SLC25A26: variants seen among roughly 807,000 people sequenced by gnomAD.
SLC25A26 encodes the protein mitochondrial S-adenosylmethionine carrier protein.
SLC25A26 carries 36 observed loss-of-function variants against 37.8 expected under a neutral mutation model. The observed-to-expected ratio is 0.95, with a 90% CI of 0.73 to 1.26. The LOEUF is 1.26. Among genes scored for constraint, SLC25A26 ranks in the 50% most tolerant of loss-of-function variants. SLC25A26 has a pLI of 0.00. For synonymous variants in SLC25A26, 129 were observed against 122.5 expected, an observed-to-expected ratio of 1.05 and a Z score of -0.35; for missense variants, 390 against 331.1, an observed-to-expected ratio of 1.18 and a Z score of -1.38.
At chr3:66,335,485 C>A (rs1275761363) in intron 5 of SLC25A26, among the ~76,000 whole-genome samples, 1 of 152,168 alleles carries the variant, frequency 6.6e-6, no homozygotes, top group Non-Finnish European at 1.5e-5. Flanking sequence ...ACACACTGTT[C>A]TAACAAATAT....
At chr3:66,326,920 G>A (rs1416531440) in intron 5 of SLC25A26, among the ~76,000 whole-genome samples, 2 of 152,164 alleles carry the variant, frequency 1.3e-5, no homozygotes, top group Non-Finnish European at 2.9e-5. Flanking sequence ...CAGACTGGTG[G>A]GTTGCAGATG....
chr3:66,242,139 AG>A (rs1325553966), intron 2 of SLC25A26, among the ~76,000 whole-genome samples: 6 of 152,168 alleles, frequency 3.9e-5, no homozygotes, highest in Non-Finnish European at 7.4e-5. Flanking sequence ...GATGAAGTTG[AG>A]GTGGTTAACC....
chr3:66,349,654 CGTAA>C (rs1015158065), intron 6 of SLC25A26, among the ~76,000 whole-genome samples: 33 of 152,060 alleles, frequency 2.2e-4, no homozygotes, highest in African/African-American at 8.0e-4. Context: ...ATAAAGCTGT[CGTAA>C]GTATTTGCAT....
At chr3:66,262,775 C>T (rs2107288702) in intron 4 of SLC25A26, among the ~76,000 whole-genome samples, 1 of 152,266 alleles carries the variant, frequency 6.6e-6, no homozygotes, top group South Asian at 2.1e-4. Context: ...TCTAATTGTA[C>T]AAATGAGATG....
chr3:66,207,290 T>C (rs1019395621), intron 1 of SLC25A26, among the ~76,000 whole-genome samples: 1 of 152,168 alleles, frequency 6.6e-6, no homozygotes, highest in African/African-American at 2.4e-5. Flanking sequence ...CCCCATCCTT[T>C]AGACCATACT....
intron 1 of SLC25A26, among the ~76,000 whole-genome samples, chr3:66,138,283 T>A (rs1408112531): frequency 6.6e-6 from 1 of 152,144 alleles, no homozygotes; most frequent in Non-Finnish European, 1.5e-5. Context: ...ATCTGAAGTA[T>A]GGAAATATGC....
At chr3:66,218,947 C>A (rs2071401418), upstream of SLC25A26, among the ~76,000 whole-genome samples, 1 of 152,238 alleles carries the variant, frequency 6.6e-6, no homozygotes, top group Non-Finnish European at 1.5e-5. Context: ...AAACACCCAG[C>A]TAAATGACTC....
chr3:66,342,349 A>G (rs1189517869), intron 5 of SLC25A26, among the ~76,000 whole-genome samples: 1 of 152,168 alleles, frequency 6.6e-6, no homozygotes, highest in Non-Finnish European at 1.5e-5. Flanking sequence ...TAGGCTTCCT[A>G]GATCACCCGT....
chr3:66,304,618 C>A, intron 5 of SLC25A26: 1 of 334,440 alleles, frequency 3.0e-6, no homozygotes. Context: ...TTTCAGGAAA[C>A]CATCGAGGTG....
At chr3:66,201,780 T>G (rs1255731386) in intron 1 of SLC25A26, among the ~76,000 whole-genome samples, 1 of 152,212 alleles carries the variant, frequency 6.6e-6, no homozygotes, top group African/African-American at 2.4e-5. Context: ...TTTTAAGCTC[T>G]ATCATCAACA....
At chr3:66,356,186 C>T (rs2076571294) in intron 6 of SLC25A26, 1 of 431,478 alleles carries the variant, frequency 2.3e-6, no homozygotes, top group Non-Finnish European at 4.6e-6. Context: ...AAAAACAAAG[C>T]CTTCTCTTCA....
At chr3:66,323,802 G>A (rs2107652244) in intron 5 of SLC25A26, 1 of 152,266 alleles carries the variant, frequency 6.6e-6, no homozygotes, top group South Asian at 2.1e-4. Flanking sequence ...GACAAACTGA[G>A]GCCCTGTCTC....
chr3:66,148,355 A>C (rs891295434), intron 1 of SLC25A26, among the ~76,000 whole-genome samples: 3 of 152,192 alleles, frequency 2.0e-5, no homozygotes, highest in Non-Finnish European at 4.4e-5. Flanking sequence ...GGAACTGGGA[A>C]GCTGTTACCA....
At chr3:66,248,757 C>T (rs1276457273) in intron 3 of SLC25A26, among the ~76,000 whole-genome samples, 1 of 152,122 alleles carries the variant, frequency 6.6e-6, no homozygotes, top group Non-Finnish European at 1.5e-5. Flanking sequence ...TAAATGATAT[C>T]ATGTTTTGTA....
intron 1 of SLC25A26, among the ~76,000 whole-genome samples, chr3:66,209,040 GTATATATATA>G (rs1172568131): frequency 3.0e-5 from 1 of 33,492 alleles, no homozygotes; most frequent in Admixed American, 4.1e-4. Context: ...ATATAAAGGT[GTATATATATA>G]TATATATATA....
intron 5 of SLC25A26, among the ~76,000 whole-genome samples, chr3:66,327,609 A>G (rs2075869782): frequency 6.6e-6 from 1 of 151,622 alleles, no homozygotes; most frequent in Non-Finnish European, 1.5e-5. Flanking sequence ...TGAAAGGATT[A>G]ATCCAAAAAG....
intron 6 of SLC25A26, among the ~76,000 whole-genome samples, chr3:66,355,715 T>G (rs2076559154): frequency 6.6e-6 from 1 of 152,236 alleles, no homozygotes; most frequent in African/African-American, 2.4e-5. Context: ...GCTGTTGCTT[T>G]GTTTTTAAAA....
At chr3:66,190,807 C>G (rs1368078046) in intron 1 of SLC25A26, among the ~76,000 whole-genome samples, 3 of 152,186 alleles carry the variant, frequency 2.0e-5, no homozygotes, top group African/African-American at 2.4e-5. Context: ...TCAATGATAT[C>G]TGCTTTAACT....
At chr3:66,261,777 C>G in intron 3 of SLC25A26, 1 of 267,644 alleles carries the variant, frequency 3.7e-6, no homozygotes, top group Middle Eastern at 1.2e-3. Flanking sequence ...TGCTTCTTGC[C>G]GTTGGGAGGC....
Sources: gnomAD v4.1 joint callset for allele counts (sites outside exome capture counted in the v4.1 genomes callset) on GRCh38, gnomAD v4.1.1 for gene constraint, MANE v1.5 for transcripts, NCBI Gene and HGNC (gene_info 2026-07-23, HGNC 2026-07-21) for gene names.